The following OTOA variants were observed in gnomAD, a reference collection of about 807,000 sequenced individuals.
OTOA encodes the protein otoancorin.
Under a neutral mutation model 110.8 loss-of-function variants are expected in OTOA, and 70 were observed. The observed-to-expected ratio is 0.63, with a 90% confidence interval of 0.52 to 0.77. The LOEUF (loss-of-function observed/expected upper bound fraction) is 0.77. Among genes scored for constraint, OTOA ranks in the 30% least tolerant of loss-of-function variants. The pLI is 0.00. For synonymous variants in OTOA, 373 were observed against 431.5 expected (o/e 0.86, Z 1.68); for missense variants, 917 against 1,075.8 (o/e 0.85, Z 2.06).
At chr16:21,716,465 G>T (rs1198252692) in intron 14 of OTOA, among the ~76,000 whole-genome samples, 2 of 152,060 alleles carry the variant, frequency 1.3e-5, no homozygotes, top group African/African-American at 4.8e-5. Context: ...CAGCTACTCG[G>T]GAGGCTGAGG....
At chr16:21,752,235 C>A in intron 25 of OTOA, 134 bp from the exon 26 acceptor site, 1 of 469,662 alleles carries the variant, frequency 2.1e-6, no homozygotes. Context: ...ATGGGATAAG[C>A]TGGATCTGCT....
intron 12 of OTOA, among the ~76,000 whole-genome samples, 173 bp from the exon 13 acceptor site, chr16:21,709,715 C>T (rs1898295779): frequency 6.6e-6 from 1 of 152,142 alleles, no homozygotes; most frequent in South Asian, 2.1e-4. Context: ...CGTGTGGTGT[C>T]TCACTGTCTG....
chr16:21,671,469 C>A (rs757845328), intron 1 of OTOA, among the ~76,000 whole-genome samples: 11 of 151,412 alleles, frequency 7.3e-5, no homozygotes, highest in Non-Finnish European at 1.2e-4. Flanking sequence ...TACCTGTAAT[C>A]CTAGCTACTC....
chr16:21,722,832 C>A, intron 17 of OTOA, 73 bp from the exon 18 acceptor site: 1 of 1,347,088 alleles, frequency 7.4e-7, no homozygotes, highest in Non-Finnish European at 1.1e-6. Context: ...AGAATAGTAC[C>A]TGGCACATGG....
intron 1 of OTOA, among the ~76,000 whole-genome samples, chr16:21,676,756 C>G (rs985422284): frequency 1.3e-5 from 2 of 152,338 alleles, no homozygotes; most frequent in East Asian, 1.9e-4. Flanking sequence ...GCCTTGATTT[C>G]CCTGAAGTTC....
At chr16:21,696,112 C>T (rs1227053834) in intron 9 of OTOA, among the ~76,000 whole-genome samples, 1 of 151,642 alleles carries the variant, frequency 6.6e-6, no homozygotes, top group Admixed American at 6.6e-5. Context: ...CCAGTATGCT[C>T]TCGATCTCCT....
intron 1 of OTOA, among the ~76,000 whole-genome samples, chr16:21,664,627 T>A (rs949474587): frequency 6.6e-6 from 1 of 152,156 alleles, no homozygotes; most frequent in Non-Finnish European, 1.5e-5. Flanking sequence ...TAGTTCTTTA[T>A]GTATTTTATG....
At chr16:21,722,063 A>C (rs1898761280) in intron 17 of OTOA, among the ~76,000 whole-genome samples, 6 of 130,736 alleles carry the variant, frequency 4.6e-5, no homozygotes, top group Admixed American at 4.0e-4. Context: ...TAAAAAATAC[A>C]AAAAAAAAAC....
Position 21,728,406 on chromosome 16 carries a change from A to G in OTOA, c.2182A>G (p.Arg728Gly). Residue 728 changes from arginine (R) to glycine (G), a missense_variant, in exon 20 of 29, where the codon AGG becomes GGG. This residue lies in a region of OTOA where 840 missense variants were observed against 910.2 expected (regional missense o/e 0.92). Coordinates refer to ENST00000646100, the MANE Select transcript of OTOA (RefSeq NM_144672.4). Reference sequence around the variant, plus strand: ...CAACCCTGAGCAAAAGGCTGCAGTGAGGCTCAAGCTCCTGGGACAGTATGG... The same window carrying G: ...CAACCCTGAGCAAAAGGCTGCAGTGGGGCTCAAGCTCCTGGGACAGTATGG... ...DLNPEQKAAV[R>G]LKLLGQYGLP... 6.2e-7 allele frequency: 1 copy of G among 1,614,064 alleles called. No homozygotes were observed. Among genetic ancestry groups the G allele is most frequent in the African/African-American group, 1.3e-5 (1 of 75,030 alleles).
chr16:21,681,458 C>T (rs1448002662), intron 5 of OTOA, among the ~76,000 whole-genome samples: 1 of 152,074 alleles, frequency 6.6e-6, no homozygotes, highest in African/African-American at 2.4e-5. Context: ...TGGCATGCAC[C>T]TGTGATCCCA....
intron 13 of OTOA, among the ~76,000 whole-genome samples, chr16:21,713,999 C>G (rs1898437482): frequency 6.6e-6 from 1 of 152,084 alleles, no homozygotes; most frequent in Non-Finnish European, 1.5e-5. Context: ...GGGGTGAGGC[C>G]ACTTTTACTC....
intron 18 of OTOA, among the ~76,000 whole-genome samples, chr16:21,726,159 C>T (rs755108061): frequency 7.9e-5 from 12 of 152,048 alleles, no homozygotes; most frequent in East Asian, 1.9e-4. Flanking sequence ...TGTCTATTTA[C>T]GAGAACCCAT....
chr16:21,684,985 C>T lies in OTOA; in HGVS notation c.268-245C>T, dbSNP rs536525929. Reference sequence around the variant, plus strand: ...CAGGATGGTCTTGATCTCTTCACCTCGTGATCCACCCGCCTCGGCCTCCCA... The same window carrying T: ...CAGGATGGTCTTGATCTCTTCACCTTGTGATCCACCCGCCTCGGCCTCCCA... On this transcript the variant is annotated intron_variant, in intron 6 of 28. Transcript: ENST00000646100. Among the ~76,000 whole-genome samples, 6 of 152,072 alleles carry T rather than the reference C, an allele frequency of 3.9e-5. No homozygotes were observed. In the East Asian group the frequency reaches 9.7e-4, roughly 25 times the overall value.
intron 25 of OTOA, 71 bp from the exon 26 acceptor site, chr16:21,752,298 T>C: frequency 2.4e-6 from 2 of 836,682 alleles, no homozygotes; most frequent in Non-Finnish European, 3.9e-6. Context: ...TGTGTGTGTG[T>C]GTGTGTTTGT....
chr16:21,667,645 G>T (rs1361805551), intron 1 of OTOA, among the ~76,000 whole-genome samples: 1 of 151,734 alleles, frequency 6.6e-6, no homozygotes, highest in Non-Finnish European at 1.5e-5. Flanking sequence ...TAAAAGAAGG[G>T]CTGGCAAGCT....
At chr16:21,727,696 A>T (rs1898965334) in intron 19 of OTOA, among the ~76,000 whole-genome samples, 1 of 152,154 alleles carries the variant, frequency 6.6e-6, no homozygotes, top group African/African-American at 2.4e-5. Context: ...AATAACAGTG[A>T]CAGCAGCGCT....
chr16:21,685,064 G>A (rs952848178), intron 6 of OTOA, among the ~76,000 whole-genome samples, 166 bp from the exon 7 acceptor site: 2 of 152,074 alleles, frequency 1.3e-5, no homozygotes, highest in African/African-American at 4.8e-5. Flanking sequence ...ATTTTTAAAT[G>A]TTGGCGGCTA....
chr16:21,665,009 T>A (rs139604170), intron 1 of OTOA, among the ~76,000 whole-genome samples: 12 of 151,202 alleles, frequency 7.9e-5, no homozygotes, highest in Non-Finnish European at 1.5e-4. Context: ...AATAAATAAA[T>A]AAATAAACAA....
At chr16:21,708,329 G>A (rs142136416) in intron 12 of OTOA, among the ~76,000 whole-genome samples, 1 of 152,178 alleles carries the variant, frequency 6.6e-6, no homozygotes, top group East Asian at 1.9e-4. Flanking sequence ...ATCTAATGCC[G>A]CTTCTGATCT....
Sources: allele counts gnomAD v4.1 joint callset (sites outside exome capture counted in the v4.1 genomes callset), GRCh38; gene constraint gnomAD v4.1.1; regional missense constraint gnomAD v4.1.1; transcripts MANE v1.5; gene names NCBI Gene and HGNC (gene_info 2026-07-23, HGNC 2026-07-21).